COL2A1: variants seen among roughly 807,000 people sequenced by gnomAD.
COL2A1 encodes collagen alpha-1(II) chain.
In COL2A1, 28 loss-of-function variants were observed where a neutral mutation model predicts 204.5. The observed-to-expected ratio is 0.14, with a 90% CI of 0.10 to 0.19. The LOEUF is 0.19. Among genes scored for constraint, COL2A1 ranks in the 10% least tolerant of loss-of-function variants. The pLI is 1.00. For synonymous variants in COL2A1, 708 were observed against 718.7 expected, an observed-to-expected ratio of 0.99 and a Z score of 0.24; for missense variants, 1,388 against 2,027.5, an observed-to-expected ratio of 0.68 and a Z score of 6.06.
intron 53 of COL2A1, among the ~76,000 whole-genome samples, chr12:47,973,837 G>A (rs755328803): frequency 5.3e-5 from 8 of 152,206 alleles, no homozygotes; most frequent in Admixed American, 4.6e-4. Flanking sequence ...TACACATTGC[G>A]AGAACACTTC....
intron 30 of COL2A1, 71 bp from the exon 31 acceptor site, chr12:47,983,509 T>C (rs1939209836): frequency 6.5e-7 from 1 of 1,531,078 alleles, no homozygotes; most frequent in Admixed American, 1.7e-5. Context: ...AGGCACAGTA[T>C]AGGGCAGACC....
Position 47,977,622 on chromosome 12 carries a change from C to T in COL2A1, c.3143G>A (p.Arg1048Lys). 6.2e-7 allele frequency: 1 copy of T among 1,614,106 alleles called. No homozygotes were observed. The highest frequency in any genetic ancestry group is 8.5e-7 in the Non-Finnish European group (1 of 1,180,002). ...GSPGADGPPG[R>K]DGAAGVKGDR... ...CACCTTGACTCCAGCAGCGCCATCTCTGCCAGGGGGGCCATCAGCACCGGG... is the reference window on the plus strand; with the variant it reads ...CACCTTGACTCCAGCAGCGCCATCTTTGCCAGGGGGGCCATCAGCACCGGG... Residue 1048 changes from arginine to lysine, a missense_variant, in exon 45 of 54, where the codon AGA becomes AAA. By Grantham distance (26) the Arg-to-Lys change is conservative. Transcript: ENST00000380518.
chr12:47,977,955 A>T lies in COL2A1; in HGVS notation c.3111+55T>A, dbSNP rs958505207. The T allele has an allele frequency of 4.7e-6, 7 of 1,489,876 alleles. No homozygotes were observed. In the African/African-American group the frequency reaches 8.3e-5, roughly 18 times the overall value. 92.3% of individuals were successfully genotyped at this position (1,489,876 alleles called of 1,614,324 possible). A position where few individuals can be genotyped will look rare whatever the true frequency, so the allele number is the denominator to read the frequency against. ...TTGTCCTTGCTGACCCAGCACAGAG[A>T]CTCACAGGGCCCCTCTCCCCAATCA... On this transcript the variant is annotated intron_variant, in intron 44 of 53. Transcript: ENST00000380518.
At chr12:47,975,635 G>T (rs1565667552) in intron 50 of COL2A1, 30 bp from the exon 51 acceptor site, 14 of 1,596,116 alleles carry the variant, frequency 8.8e-6, no homozygotes, top group Non-Finnish European at 1.2e-5. Flanking sequence ...GATCAGCCAG[G>T]ATTGTGTGAA....
At chr12:47,995,818 T>C (rs938217107) in intron 9 of COL2A1, 55 bp from the exon 10 acceptor site, 4 of 1,609,542 alleles carry the variant, frequency 2.5e-6, no homozygotes, top group African/African-American at 1.3e-5. Context: ...TAAAACATCA[T>C]AGTGCTTGGG....
rs112743940 is a variant in COL2A1 at position 47,993,811 on chromosome 12, T to C, written c.922A>G (p.Lys308Glu). ...CATTGTACTTTCTGGCCTCTCACCT[T>C]CACACCAGGAGCACCCGCCTCTCCC... ...AKGEAGAPGV[K>E]GESGSPGENG... is the part of the protein sequence containing the mutation. Residue 308 changes from lysine to glutamate, a missense_variant and splice_region_variant, in exon 14 of 54, where the codon AAG becomes GAG. This residue lies in a region of COL2A1 where 884 missense variants were observed against 1,415.8 expected (regional missense o/e 0.62). Coordinates refer to ENST00000380518, the MANE Select transcript of COL2A1 (RefSeq NM_001844.5). 1 of 1,613,956 alleles carries C rather than the reference T, an allele frequency of 6.2e-7. No individual in the cohort carries two copies. The highest frequency in any genetic ancestry group is 1.1e-5 in the South Asian group (1 of 91,072).
chr12:48,003,607 C>G (rs896696593), intron 1 of COL2A1, among the ~76,000 whole-genome samples: 20 of 152,010 alleles, frequency 1.3e-4, no homozygotes, highest in Non-Finnish European at 2.9e-4. Context: ...CCAGGGCCAG[C>G]TGGGAGGGGG....
intron 2 of COL2A1, 193 bp from the exon 3 acceptor site, chr12:47,998,624 T>A (rs1043288526): frequency 1.6e-6 from 1 of 624,440 alleles, no homozygotes; most frequent in Non-Finnish European, 2.9e-6. Context: ...GTTGCTGAGG[T>A]CCCATGAGGA....
At position 47,981,836 on chromosome 12, in the gene COL2A1, G is replaced by T; in HGVS notation, c.2356-7C>A. 6.4e-7 allele frequency: 1 copy of T among 1,553,938 alleles called. No individual in the cohort carries two copies. The highest frequency in any genetic ancestry group is 8.7e-7 in the Non-Finnish European group (1 of 1,148,500). On this transcript the variant is annotated splice_region_variant and splice_polypyrimidine_tract_variant and intron_variant, in intron 35 of 53. Coordinates refer to ENST00000380518, the MANE Select transcript of COL2A1 (RefSeq NM_001844.5). ...CAATGGGACCTGTCAGGCCCTGCGG[G>T]GAGAGCAGGTAGAGGTGAGGGAGGC...
Position 47,974,691 on chromosome 12 carries a change from A to G in COL2A1, c.4058T>C (p.Ile1353Thr). Residue 1353 changes from isoleucine to threonine, a missense_variant, in exon 52 of 54, where the codon ATC (isoleucine) becomes ACC (threonine). This residue lies in a region of COL2A1 where 303 missense variants were observed against 369.2 expected (regional missense o/e 0.82). Coordinates refer to ENST00000380518, the MANE Select transcript of COL2A1 (RefSeq NM_001844.5). ...EKKHIWFGET[I>T]NGGFHFSYGD... ...GGTACTCACATGGAAGCCACCATTG[A>G]TGGTTTCTCCAAACCAGATGTGTTT... The G allele has an allele frequency of 1.2e-6, 2 of 1,614,166 alleles. No homozygotes were observed. The highest frequency in any genetic ancestry group is 1.6e-4 in the Middle Eastern group (1 of 6,062).
intron 44 of COL2A1, 124 bp from the exon 45 acceptor site, chr12:47,977,777 C>T: frequency 1.7e-6 from 2 of 1,151,552 alleles, no homozygotes; most frequent in Non-Finnish European, 2.6e-6. Flanking sequence ...CACTTTGAAG[C>T]CAAAGTTTCC....
At chr12:47,989,203 C>A in intron 18 of COL2A1, 25 bp downstream of exon 18, 1 of 1,603,814 alleles carries the variant, frequency 6.2e-7, no homozygotes, top group Non-Finnish European at 8.5e-7. Context: ...CCCAGAAGTT[C>A]CTGACTGGAC....
intron 40 of COL2A1, 58 bp from the exon 41 acceptor site, chr12:47,979,622 A>C: frequency 3.4e-6 from 2 of 591,318 alleles, no homozygotes; most frequent in Non-Finnish European, 6.4e-6. Context: ...TTTGAGATTA[A>C]AATGGGCGGG....
At chr12:47,975,917 G>T in intron 50 of COL2A1, 46 bp downstream of exon 50, 1 of 1,447,334 alleles carries the variant, frequency 6.9e-7, no homozygotes, top group Non-Finnish European at 9.7e-7. Context: ...AAGCCTCCCG[G>T]ATGGTAGGGA....
chr12:47,987,549 A>G lies in COL2A1; in HGVS notation c.1221+62T>C, dbSNP rs1939493308. The G allele has an allele frequency of 7.1e-7, 1 of 1,411,530 alleles. No individual in the cohort carries two copies. The highest frequency in any genetic ancestry group is 1.2e-5 in the South Asian group (1 of 83,064). The allele number at this position is 1,411,530 out of a possible 1,614,324, so 87.4% of individuals were successfully genotyped here. A position where few individuals can be genotyped will look rare whatever the true frequency, so the allele number is the denominator to read the frequency against. ...CCACAACTGTCAGAGCAAAGTACAG[A>G]GTCAAGAGTTCCAAAGCCACAGACC... On this transcript the variant is annotated intron_variant, in intron 19 of 53. Coordinates refer to ENST00000380518, the MANE Select transcript of COL2A1 (RefSeq NM_001844.5). This position sits in a 1 kb window ranked among gnomAD's most constrained non-coding sequence, Gnocchi z 4.1.
rs1319744313 is a variant in COL2A1 at position 47,979,962 on chromosome 12, A to C, written c.2679+47T>G. 5.3e-6 allele frequency: 8 copies of C among 1,510,300 alleles called. No homozygotes were observed. The East Asian group carries it at 1.7e-4, about 32-fold the overall frequency. 93.6% of individuals were successfully genotyped at this position (1,510,300 alleles called of 1,614,324 possible). A position where few individuals can be genotyped will look rare whatever the true frequency, so the allele number is the denominator to read the frequency against. Reference sequence around the variant, plus strand: ...CCCCGCCATGGGAGCCTCTGGGGCCAGGCCTCTTTGTGAGGTGCAGGGTGG... The same window carrying C: ...CCCCGCCATGGGAGCCTCTGGGGCCCGGCCTCTTTGTGAGGTGCAGGGTGG... On this transcript the variant is annotated intron_variant, in intron 40 of 53. Transcript: ENST00000380518.
In COL2A1 at chr12:47,977,150, T is replaced by G. The variant is rs1938757479; in HGVS notation, c.3279A>C (p.Ala1093=). Residue 1093 remains alanine (A), a synonymous_variant, in exon 47 of 54, where the codon GCA becomes GCC. Transcript: ENST00000380518. ...GTCCTGAGGGTCCCATGGGGCCTTG[T>G]GCACCCTGAGGAGAGAGTGAGCGCA... ...GKQGDRGEAG[A]QGPMGPSGPA... is the part of the protein sequence containing the mutation. The G allele has an allele frequency of 6.2e-7, 1 of 1,610,888 alleles. No individual in the cohort carries two copies. The highest frequency in any genetic ancestry group is 1.7e-5 in the Admixed American group (1 of 59,504).
chr12:47,981,957 T>C (rs1939117364), intron 35 of COL2A1, 128 bp from the exon 36 acceptor site: 2 of 1,306,644 alleles, frequency 1.5e-6, no homozygotes, highest in Non-Finnish European at 2.2e-6. Context: ...TCTGGCCCCA[T>C]TTTAACAGAG....
At position 47,975,212 on chromosome 12, in the gene COL2A1, A is replaced by G. The variant is rs139627081; in HGVS notation, c.3886+105T>C. The G allele has an allele frequency of 1.4e-4, 196 of 1,433,078 alleles. No individual in the cohort carries two copies. The African/African-American group carries it at 2.3e-3, about 17-fold the overall frequency. The allele number at this position is 1,433,078 out of a possible 1,614,324, so 88.8% of individuals were successfully genotyped here. A position where few individuals can be genotyped will look rare whatever the true frequency, so the allele number is the denominator to read the frequency against. On this transcript the variant is annotated intron_variant, in intron 51 of 53. Coordinates refer to ENST00000380518, the MANE Select transcript of COL2A1 (RefSeq NM_001844.5). Reference sequence around the variant, plus strand: ...GAGGAACCCTCTGGCGGAAACTTCCAGGCCCAGCTCTGCCCTGTACTAGGG... The same window carrying G: ...GAGGAACCCTCTGGCGGAAACTTCCGGGCCCAGCTCTGCCCTGTACTAGGG...
Sources: allele counts gnomAD v4.1 joint callset (sites outside exome capture counted in the v4.1 genomes callset), GRCh38; gene constraint gnomAD v4.1.1; regional missense constraint gnomAD v4.1.1; non-coding constraint Gnocchi (gnomAD v3.1); transcripts MANE v1.5; gene names NCBI Gene and HGNC (gene_info 2026-07-23, HGNC 2026-07-21).